CLMP: variants seen among roughly 807,000 people sequenced by gnomAD.
CLMP encodes CXADR-like membrane protein.
CLMP carries 27 observed loss-of-function variants against 45.2 expected under a neutral mutation model. The ratio of observed to expected loss-of-function variants is 0.60; its 90% CI spans 0.44 to 0.82. The LOEUF (loss-of-function observed/expected upper bound fraction) is 0.82, where lower values mean the gene tolerates loss of function less well. CLMP is among the 40% of genes least tolerant of loss of function. CLMP has a pLI of 0.00. For missense variants in CLMP, 403 were observed against 448.4 expected, an observed-to-expected ratio of 0.90 and a Z score of 0.91; for synonymous variants, 167 against 171.4, an observed-to-expected ratio of 0.97 and a Z score of 0.20.
intron 1 of CLMP, among the ~76,000 whole-genome samples, chr11:123,144,357 T>C (rs1325163981): frequency 2.0e-5 from 3 of 152,242 alleles, no homozygotes; most frequent in African/African-American, 7.2e-5. Flanking sequence ...CATGCTGTAC[T>C]CTCAATAAAT....
intron 1 of CLMP, among the ~76,000 whole-genome samples, chr11:123,130,985 G>T (rs1860978879): frequency 6.6e-6 from 1 of 151,764 alleles, no homozygotes; most frequent in African/African-American, 2.4e-5. Context: ...TGGGATTACA[G>T]GTGTGCACCA....
At chr11:123,118,139 TC>T (rs1860741653) in intron 1 of CLMP, among the ~76,000 whole-genome samples, 1 of 152,196 alleles carries the variant, frequency 6.6e-6, no homozygotes, top group Admixed American at 6.5e-5. Context: ...AACTTTTTTT[TC>T]TTTTTTTGAG....
intron 1 of CLMP, among the ~76,000 whole-genome samples, chr11:123,129,281 G>A (rs1860946497): frequency 6.6e-6 from 1 of 150,722 alleles, no homozygotes. Flanking sequence ...AGTGAGCCGA[G>A]ATTGTACCAT....
In CLMP at chr11:123,140,281, C is replaced by G. The variant is rs566315198; in HGVS notation, c.29-42329G>C. 2.0e-5 allele frequency among the ~76,000 whole-genome samples: 3 copies of G among 152,196 alleles called. No homozygotes were observed. The South Asian group carries it at 6.2e-4, about 32-fold the overall frequency. The stretch of plus-strand genomic sequence containing the variant: ...AGTAGGAGGAGGAGAAAAATTAAAC[C>G]TAAAATATCTTTGGTTGTATAGTAG... On this transcript the variant is annotated intron_variant, in intron 1 of 6. Transcript: ENST00000448775.
intron 5 of CLMP, among the ~76,000 whole-genome samples, chr11:123,075,448 G>A (rs186445480): frequency 1.3e-5 from 2 of 151,778 alleles, no homozygotes; most frequent in Non-Finnish European, 2.9e-5. Flanking sequence ...GTGCAGTGAC[G>A]CGATCTCGGC....
intron 1 of CLMP, among the ~76,000 whole-genome samples, chr11:123,104,881 G>T (rs553137041): frequency 6.6e-6 from 1 of 152,206 alleles, no homozygotes; most frequent in Non-Finnish European, 1.5e-5. Flanking sequence ...GCACCCCAGA[G>T]AATTGAGATG....
intron 1 of CLMP, among the ~76,000 whole-genome samples, chr11:123,108,557 G>T (rs1270515195): frequency 6.6e-6 from 1 of 151,958 alleles, no homozygotes; most frequent in Non-Finnish European, 1.5e-5. Flanking sequence ...CCTGTGGGTT[G>T]GTTTTAGGGG....
intron 1 of CLMP, among the ~76,000 whole-genome samples, chr11:123,157,606 C>A (rs947102328): frequency 2.7e-4 from 41 of 151,610 alleles, no homozygotes; most frequent in Non-Finnish European, 5.1e-4. Flanking sequence ...ATAATCCCAG[C>A]TACTCCGGAG....
Position 123,089,494 on chromosome 11 carries a change from A to G in CLMP, c.187-4781T>C, listed in dbSNP as rs369413545. Among the ~76,000 whole-genome samples, 10 of 150,874 alleles carry G rather than the reference A, an allele frequency of 6.6e-5. No homozygotes were observed. The East Asian group carries it at 9.9e-4, about 15-fold the overall frequency. On this transcript the variant is annotated intron_variant, in intron 2 of 6. Coordinates refer to ENST00000448775, the MANE Select transcript of CLMP (RefSeq NM_024769.5). ...AAAAGAAAACAAAATGACCAGGTGC[A>G]GTGGCTCATGCCTGTAATCCCAGCA...
intron 1 of CLMP, among the ~76,000 whole-genome samples, chr11:123,102,745 C>A (rs1443249580): frequency 8.8e-6 from 1 of 113,988 alleles, no homozygotes; most frequent in Non-Finnish European, 1.7e-5. Flanking sequence ...TTAGTAGAGA[C>A]AGGATTTCAC....
At chr11:123,074,969 T>TC in intron 5 of CLMP, 126 bp from the exon 6 acceptor site, 1 of 1,192,832 alleles carries the variant, frequency 8.4e-7, no homozygotes, top group Non-Finnish European at 1.1e-6. Flanking sequence ...GTTTTTTTTT[T>TC]TTTGAGACGG....
chr11:123,126,724 C>T (rs1009107523), intron 1 of CLMP, among the ~76,000 whole-genome samples: 22 of 151,906 alleles, frequency 1.4e-4, no homozygotes, highest in East Asian at 5.8e-4. Flanking sequence ...GGTGAAACCC[C>T]GTCTCTACTA....
At chr11:123,165,750 C>A (rs576781909) in intron 1 of CLMP, among the ~76,000 whole-genome samples, 2 of 152,030 alleles carry the variant, frequency 1.3e-5, no homozygotes, top group African/African-American at 4.8e-5. Flanking sequence ...TTTCCCAAAC[C>A]CTCCCTTAAT....
chr11:123,122,073 CAG>C (rs1458916690), intron 1 of CLMP, among the ~76,000 whole-genome samples: 1 of 152,128 alleles, frequency 6.6e-6, no homozygotes, highest in African/African-American at 2.4e-5. Flanking sequence ...GGGGAGGAAA[CAG>C]AGAAAAATAC....
intron 2 of CLMP, among the ~76,000 whole-genome samples, chr11:123,089,188 G>A (rs1022415338): frequency 2.7e-5 from 4 of 150,724 alleles, no homozygotes; most frequent in African/African-American, 9.8e-5. Context: ...AGTTCCAGAC[G>A]AGCTTGGCCA....
intron 1 of CLMP, among the ~76,000 whole-genome samples, chr11:123,126,055 T>C (rs1860890580): frequency 6.6e-6 from 1 of 152,212 alleles, no homozygotes; most frequent in African/African-American, 2.4e-5. Context: ...TCACCCTCCC[T>C]GCTTAGAAAA....
chr11:123,133,896 A>G (rs1236289015), intron 1 of CLMP, among the ~76,000 whole-genome samples: 1 of 152,134 alleles, frequency 6.6e-6, no homozygotes, highest in Admixed American at 6.5e-5. Context: ...CATCAAACCT[A>G]GTAAAAACAT....
At chr11:123,180,820 G>A (rs189670073) in intron 1 of CLMP, among the ~76,000 whole-genome samples, 143 of 152,250 alleles carry the variant, frequency 9.4e-4, no homozygotes, top group African/African-American at 2.5e-3. Flanking sequence ...AAAAACAAGC[G>A]CAAAGACTCT....
At chr11:123,158,710 G>A (rs1224431091) in intron 1 of CLMP, among the ~76,000 whole-genome samples, 1 of 152,184 alleles carries the variant, frequency 6.6e-6, no homozygotes, top group Non-Finnish European at 1.5e-5. Context: ...TAACACAGGG[G>A]CTTTGGAACT....
Sources: allele counts gnomAD v4.1 joint callset (sites outside exome capture counted in the v4.1 genomes callset), GRCh38; gene constraint gnomAD v4.1.1; transcripts MANE v1.5; gene names NCBI Gene and HGNC (gene_info 2026-07-23, HGNC 2026-07-21).